Variants in TGFBR3 observed in about 807,000 individuals in gnomAD.
TGFBR3 encodes transforming growth factor beta receptor type 3.
Under a neutral mutation model 87.9 loss-of-function variants are expected in TGFBR3, and 46 were observed. That is an observed-to-expected ratio of 0.52 (90% confidence interval 0.41 to 0.67). TGFBR3 has a LOEUF of 0.67. TGFBR3 is among the 30% of genes least tolerant of loss of function. The pLI is 0.00. For synonymous variants in TGFBR3, 381 were observed against 391.6 expected, an observed-to-expected ratio of 0.97 and a Z score of 0.32; for missense variants, 866 against 1,041.9, an observed-to-expected ratio of 0.83 and a Z score of 2.32.
chr1:91,769,443 T>G (rs1273650724), intron 3 of TGFBR3, among the ~76,000 whole-genome samples: 2 of 152,088 alleles, frequency 1.3e-5, no homozygotes, highest in African/African-American at 4.8e-5. Context: ...CGGGCCCTGT[T>G]AACCTTCCCC....
intron 2 of TGFBR3, among the ~76,000 whole-genome samples, chr1:91,844,399 C>T (rs913067940): frequency 6.6e-6 from 1 of 152,152 alleles, no homozygotes; most frequent in Non-Finnish European, 1.5e-5. Context: ...GAATCTTGTT[C>T]ACATTTGGAC....
At chr1:91,705,652 T>A (rs1209138053) in intron 14 of TGFBR3, among the ~76,000 whole-genome samples, 2 of 151,906 alleles carry the variant, frequency 1.3e-5, no homozygotes, top group Non-Finnish European at 2.9e-5. Flanking sequence ...GTGAGAGGAG[T>A]CACACACAGC....
intron 4 of TGFBR3, among the ~76,000 whole-genome samples, chr1:91,748,140 T>C (rs1673411295): frequency 6.6e-6 from 1 of 152,210 alleles, no homozygotes. Context: ...AGGTGAGGCC[T>C]CTAGCCCGAA....
At chr1:91,720,382 G>C in intron 8 of TGFBR3, 152 bp from the exon 9 acceptor site, 1 of 809,514 alleles carries the variant, frequency 1.2e-6, no homozygotes, top group Non-Finnish European at 2.0e-6. Context: ...AAGTCTAGAA[G>C]CCTGAATTCT....
chr1:91,689,267 TCTGA>T (rs1236873259), intron 16 of TGFBR3, among the ~76,000 whole-genome samples: 1 of 152,224 alleles, frequency 6.6e-6, no homozygotes, highest in Admixed American at 6.5e-5. Context: ...TCTCCATTTT[TCTGA>T]CACAGTTCAT....
At chr1:91,823,295 T>C (rs1190622579) in intron 2 of TGFBR3, among the ~76,000 whole-genome samples, 2 of 152,152 alleles carry the variant, frequency 1.3e-5, no homozygotes, top group Non-Finnish European at 2.9e-5. Flanking sequence ...AAAACCAACA[T>C]AGGTACACAT....
At chr1:91,720,300 G>T in intron 8 of TGFBR3, 70 bp from the exon 9 acceptor site, 3 of 1,406,362 alleles carry the variant, frequency 2.1e-6, no homozygotes, top group Non-Finnish European at 2.0e-6. Flanking sequence ...ATTACAGGCA[G>T]AACAGGAGGA....
Position 91,893,956 on chromosome 1 carries a change from G to A in TGFBR3, c.-114+5681C>T, listed in dbSNP as rs1019988940. On this transcript the variant is annotated intron_variant, in intron 2 of 17. Coordinates refer to the TGFBR3 transcript ENST00000370399. The stretch of plus-strand genomic sequence containing the variant: ...AAAAAAAAACTTCCTTTGGCCAGGC[G>A]CGGTGGCTCACACCTGTAATCCCAG... Among the ~76,000 whole-genome samples the A allele has an allele frequency of 5.3e-5, 8 of 149,922 alleles. No individual in the cohort carries two copies. In the East Asian group the frequency reaches 9.8e-4, roughly 18 times the overall value.
Position 91,712,272 on chromosome 1 carries a change from T to C in TGFBR3, c.2137A>G (p.Met713Val), listed in dbSNP as rs780800633. ...GGCAACTTCTGGGGGTGCTTCTCCA[T>C]CTTCGTACACAGCGTCAGCTCACAC... ...LQCELTLCTK[M>V]EKHPQKLPKC... The change falls in exon 13 of 17, where the codon ATG becomes GTG. Residue 713 changes from methionine (M) to valine (V), a missense_variant. Physicochemically the swap from Met to Val is conservative, Grantham distance 21. Transcript: ENST00000212355. The C allele has an allele frequency of 3.1e-6, 5 of 1,614,054 alleles. No homozygotes were observed. In the South Asian group the frequency reaches 4.4e-5, roughly 14 times the overall value.
In TGFBR3 at chr1:91,734,907, GC is replaced by G; in HGVS notation, c.436del (p.Ala146GlnfsTer16). ...GGGGAAGTTCCTTTCTTCTGTTTCT[GC>G]TGTCAAGGAGAAGTTTGCTGATGAA... The part of the protein sequence containing the change: ...QFSSANFSLT[A>X]ETEERNFPHG... On this transcript the variant is annotated frameshift_variant, in exon 5 of 17. Transcript: ENST00000212355. LOFTEE classifies it high-confidence loss of function. 1 of 1,614,154 alleles carries G rather than the reference GC, an allele frequency of 6.2e-7. No homozygotes were observed. Among genetic ancestry groups the G allele is most frequent in the Non-Finnish European group, 8.5e-7 (1 of 1,180,000 alleles).
intron 16 of TGFBR3, among the ~76,000 whole-genome samples, chr1:91,689,594 T>C (rs1477527166): frequency 6.6e-6 from 1 of 152,134 alleles, no homozygotes. Flanking sequence ...TAATTAATGT[T>C]TATTATCTGA....
intron 7 of TGFBR3, among the ~76,000 whole-genome samples, chr1:91,722,830 A>G (rs2016460): frequency 0.99 from 151,484 of 152,258 alleles, 75,362 homozygotes; most frequent in Non-Finnish European, 1. Context: ...CATGATGGTC[A>G]GTATTTGTGC....
rs1370810243 is a variant in TGFBR3 at position 91,683,371 on chromosome 1, T to A, written c.*368A>T. On this transcript the variant is annotated 3_prime_UTR_variant, in exon 17 of 17. Coordinates refer to ENST00000212355, the MANE Select transcript of TGFBR3 (RefSeq NM_003243.5). ...ATTAACCCTTTACCAACTCCTTGAG[T>A]CTGGGTAAAACTCAGGGCCCCAAAT... The A allele has an allele frequency of 2.0e-6, 1 of 497,148 alleles. No individual in the cohort carries two copies. Among genetic ancestry groups the A allele is most frequent in the African/African-American group, 1.9e-5 (1 of 51,742 alleles). 30.8% of individuals were successfully genotyped at this position (497,148 alleles called of 1,614,324 possible).
intron 2 of TGFBR3, among the ~76,000 whole-genome samples, chr1:91,808,083 A>G (rs1305196989): frequency 2.0e-5 from 3 of 152,186 alleles, no homozygotes; most frequent in Non-Finnish European, 2.9e-5. Context: ...ACTCCCTAGC[A>G]TTACTCCCCA....
intron 7 of TGFBR3, among the ~76,000 whole-genome samples, chr1:91,724,061 G>C (rs1672465084): frequency 6.6e-6 from 1 of 152,180 alleles, no homozygotes; most frequent in South Asian, 2.1e-4. Flanking sequence ...TTATGTGTGG[G>C]AATACTGCCA....
intron 3 of TGFBR3, among the ~76,000 whole-genome samples, chr1:91,779,082 A>T (rs1347653837): frequency 6.6e-6 from 1 of 152,160 alleles, no homozygotes; most frequent in Non-Finnish European, 1.5e-5. Flanking sequence ...GAGAAGGGGG[A>T]AAAGATCATT....
chr1:91,682,042 AT>A lies in TGFBR3; in HGVS notation c.*1696del, dbSNP rs1670926354. The stretch of plus-strand genomic sequence containing the variant: ...TAATGTTTTAGTTAAAATGTTCCTT[AT>A]TGAAAAAAAAAAATGTTCCTTATTG... On this transcript the variant is annotated 3_prime_UTR_variant, in exon 17 of 17. Coordinates refer to ENST00000212355, the MANE Select transcript of TGFBR3 (RefSeq NM_003243.5). 1 of 453,808 alleles carries A rather than the reference AT, an allele frequency of 2.2e-6. No individual in the cohort carries two copies. The highest frequency in any genetic ancestry group is 4.4e-6 in the Non-Finnish European group (1 of 226,726). The allele number at this position is 453,808 out of a possible 1,614,324, so 28.1% of individuals were successfully genotyped here.
At position 91,682,404 on chromosome 1, in the gene TGFBR3, CTTTTTTTTTTTT is replaced by C; in HGVS notation, c.*1323_*1334del. The stretch of plus-strand genomic sequence containing the variant: ...AGCATGATAATTCCCCCCTGGCATT[CTTTTTTTTTTTT>C]TTTTTTTTTAACAAGGAGGTATCAC... On this transcript the variant is annotated 3_prime_UTR_variant, in exon 17 of 17. Coordinates refer to ENST00000212355, the MANE Select transcript of TGFBR3 (RefSeq NM_003243.5). The C allele has an allele frequency of 1.2e-5, 4 of 346,154 alleles. 1 individual carries two copies. Among genetic ancestry groups the C allele is most frequent in the Non-Finnish European group, 2.2e-5 (4 of 184,294 alleles). 21.4% of individuals were successfully genotyped at this position (346,154 alleles called of 1,614,324 possible). A position where few individuals can be genotyped will look rare whatever the true frequency, so the allele number is the denominator to read the frequency against.
In TGFBR3 at chr1:91,720,091, G is replaced by A; in HGVS notation, c.1215C>T (p.Phe405=). The change falls in exon 9 of 17, where the codon TTC becomes TTT. Residue 405 remains phenylalanine (F), a synonymous_variant. Coordinates refer to ENST00000212355, the MANE Select transcript of TGFBR3 (RefSeq NM_003243.5). The part of the protein sequence containing the change: ...EGQNGGLPFP[F]PDISRRVWNE... ...TCCAGACTCTCCTGGAAATATCTGG[G>A]AAAGGAAACGGAAGGCCTCCATTTT... 1 of 1,614,170 alleles carries A rather than the reference G, an allele frequency of 6.2e-7. No individual in the cohort carries two copies. The highest frequency in any genetic ancestry group is 1.1e-5 in the South Asian group (1 of 91,084).
Sources: gnomAD v4.1 joint callset for allele counts (sites outside exome capture counted in the v4.1 genomes callset) on GRCh38, gnomAD v4.1.1 for gene constraint, MANE v1.5 for transcripts, NCBI Gene and HGNC (gene_info 2026-07-23, HGNC 2026-07-21) for gene names.